Variants in KIAA1549L observed in about 807,000 individuals in gnomAD.
The protein encoded by KIAA1549L is KIAA1549 like.
Under a neutral mutation model 160.7 loss-of-function variants are expected in KIAA1549L, and 88 were observed. The ratio of observed to expected loss-of-function variants is 0.55; its 90% CI spans 0.46 to 0.65. KIAA1549L has a LOEUF of 0.65. Among genes scored for constraint, KIAA1549L ranks in the 30% least tolerant of loss-of-function variants. The probability of loss-of-function intolerance (pLI) is 0.00; values close to 1 mark genes in which losing one functional copy is unlikely to be tolerated. For missense variants in KIAA1549L, 2,258 were observed against 2,437.5 expected, an observed-to-expected ratio of 0.93 and a Z score of 1.55; for synonymous variants, 950 against 976.7, an observed-to-expected ratio of 0.97 and a Z score of 0.51.
At position 33,595,808 on chromosome 11, in the gene KIAA1549L, A is replaced by C. The variant is rs547568612; in HGVS notation, c.4752-3012A>C. ...GTTAGATGATCCAAGAAGTTTCTCA[A>C]GTGAAAACCAGGAGAAACCGGTGGT... is the stretch of plus-strand genomic sequence containing the variant. On this transcript the variant is annotated intron_variant, in intron 12 of 20. Coordinates refer to ENST00000658780, the MANE Select transcript of KIAA1549L (RefSeq NM_012194.3). Among the ~76,000 whole-genome samples the C allele has an allele frequency of 5.9e-5, 9 of 152,292 alleles. No individual in the cohort carries two copies. The East Asian group carries it at 1.2e-3, about 20-fold the overall frequency.
chr11:33,605,291 G>T (rs1179948882), intron 13 of KIAA1549L, among the ~76,000 whole-genome samples: 1 of 152,080 alleles, frequency 6.6e-6, no homozygotes, highest in Non-Finnish European at 1.5e-5. Context: ...GAATATCAGG[G>T]GGTGAGAATT....
intron 15 of KIAA1549L, among the ~76,000 whole-genome samples, chr11:33,614,431 C>A (rs957342295): frequency 6.7e-6 from 1 of 149,038 alleles, no homozygotes; most frequent in African/African-American, 2.5e-5. Context: ...TCAGGACAGC[C>A]CTTGTGCCCC....
At chr11:33,507,372 A>G (rs1853116731) in intron 1 of KIAA1549L, among the ~76,000 whole-genome samples, 1 of 152,230 alleles carries the variant, frequency 6.6e-6, no homozygotes, top group South Asian at 2.1e-4. Context: ...GTTTGATGCT[A>G]TATATTGAAA....
chr11:33,591,621 T>G (rs1850057520), intron 12 of KIAA1549L, among the ~76,000 whole-genome samples, 200 bp downstream of exon 12: 1 of 152,262 alleles, frequency 6.6e-6, no homozygotes. Context: ...TGTAAGGTTT[T>G]ATGTCTCTGA....
rs976603607 is a variant in KIAA1549L at position 33,671,251 on chromosome 11, C to A, written c.*3097C>A. The stretch of plus-strand genomic sequence containing the variant: ...AGACTGTGGGGGTGCATTCCTGTCT[C>A]AGCACCAAGGATCCCAACAGGCAGG... On this transcript the variant is annotated 3_prime_UTR_variant, in exon 21 of 21. Coordinates refer to ENST00000658780, the MANE Select transcript of KIAA1549L (RefSeq NM_012194.3). 7 of 152,194 alleles carry A rather than the reference C, an allele frequency of 4.6e-5. No individual in the cohort carries two copies. The highest frequency in any genetic ancestry group is 7.3e-5 in the Non-Finnish European group (5 of 68,036). The allele number at this position is 152,194 out of a possible 1,614,324, so 9.4% of individuals were successfully genotyped here.
intron 1 of KIAA1549L, among the ~76,000 whole-genome samples, chr11:33,386,511 T>C (rs188279271): frequency 4.1e-4 from 63 of 152,136 alleles, no homozygotes; most frequent in African/African-American, 1.4e-3. Flanking sequence ...TGAAACCCTG[T>C]CTCTACTAAA....
At chr11:33,423,105 GA>G (rs1851051948) in intron 1 of KIAA1549L, among the ~76,000 whole-genome samples, 1 of 152,164 alleles carries the variant, frequency 6.6e-6, no homozygotes, top group African/African-American at 2.4e-5. Flanking sequence ...GAGGACTTCA[GA>G]AATTTCATGG....
intron 1 of KIAA1549L, among the ~76,000 whole-genome samples, chr11:33,480,063 T>TGC (rs1310269794): frequency 6.6e-6 from 1 of 152,102 alleles, no homozygotes; most frequent in African/African-American, 2.4e-5. Context: ...TGTGTGTGTG[T>TGC]GCACGCGTGC....
rs191033487 is a variant in KIAA1549L, at chr11:33,638,727, G to A, written c.5410-6959G>A. On this transcript the variant is annotated intron_variant, in intron 16 of 20. Coordinates refer to ENST00000658780, the MANE Select transcript of KIAA1549L (RefSeq NM_012194.3). ...AAGAAATTGTAGTCAAATTTACAAAGTTTTTGCACTGTTGCCTCTCCCACT... is the reference window on the plus strand; with the variant it reads ...AAGAAATTGTAGTCAAATTTACAAAATTTTTGCACTGTTGCCTCTCCCACT... Among the ~76,000 whole-genome samples, 393 of 152,304 alleles carry A rather than the reference G, an allele frequency of 2.6e-3. 2 individuals are homozygous for A. Among genetic ancestry groups the A allele is most frequent in the Middle Eastern group, 0.014 (4 of 294 alleles).
intron 1 of KIAA1549L, among the ~76,000 whole-genome samples, chr11:33,477,192 A>C (rs1852304190): frequency 6.6e-6 from 1 of 152,114 alleles, no homozygotes; most frequent in African/African-American, 2.4e-5. Flanking sequence ...GCTTCTCCAG[A>C]GGAGTCTCCC....
At chr11:33,516,027 C>T (rs1279725943) in intron 1 of KIAA1549L, among the ~76,000 whole-genome samples, 3 of 152,176 alleles carry the variant, frequency 2.0e-5, no homozygotes, top group South Asian at 2.1e-4. Flanking sequence ...ACTACAGCAC[C>T]CAAGGCAGAC....
intron 13 of KIAA1549L, among the ~76,000 whole-genome samples, chr11:33,600,300 C>T (rs1009208133): frequency 1.3e-5 from 2 of 152,156 alleles, no homozygotes; most frequent in East Asian, 1.9e-4. Flanking sequence ...TCAGCTCTAT[C>T]GAGTGAGCAC....
chr11:33,419,378 C>G (rs1850951417), intron 1 of KIAA1549L, among the ~76,000 whole-genome samples: 1 of 152,216 alleles, frequency 6.6e-6, no homozygotes, highest in African/African-American at 2.4e-5. Flanking sequence ...TCTGCTTACA[C>G]TATGGATATG....
rs779349085 is a variant in KIAA1549L, at chr11:33,656,108, C to T, written c.5857C>T (p.Arg1953Ter). The T allele has an allele frequency of 5.0e-5, 81 of 1,609,410 alleles. 3 individuals are homozygous for T. Among genetic ancestry groups the T allele is most frequent in the East Asian group, 4.7e-4 (21 of 44,872 alleles). The change falls in exon 18 of 21, where the codon CGA becomes TGA. Residue 1953 changes from arginine to a stop codon, truncating the protein, a stop_gained and splice_region_variant. Coordinates refer to ENST00000658780, the MANE Select transcript of KIAA1549L (RefSeq NM_012194.3). LOFTEE classifies it high-confidence loss of function. Reference sequence around the variant, plus strand: ...TCCTGTGGCTGTCGCTTCTCTCAGGCGGTAACACGTTCCTTTCTTTGTTTT... The same window carrying T: ...TCCTGTGGCTGTCGCTTCTCTCAGGTGGTAACACGTTCCTTTCTTTGTTTT... ...TGPVAVASLR[R>*]STSDIGSKTR...
At position 33,601,761 on chromosome 11, in the gene KIAA1549L, C is replaced by T. The variant is rs78865518; in HGVS notation, c.4879+2814C>T. Among the ~76,000 whole-genome samples the T allele has an allele frequency of 8.2e-3, 1,250 of 152,298 alleles. 10 individuals carry two copies. The highest frequency in any genetic ancestry group is 0.028 in the African/African-American group (1,145 of 41,566). On this transcript the variant is annotated intron_variant, in intron 13 of 20. Coordinates refer to ENST00000658780, the MANE Select transcript of KIAA1549L (RefSeq NM_012194.3). ...GTTTGTTACATCTGTAGCTTCCAAT[C>T]TTTTTCTTTTATGTAAAAAAGAACT...
chr11:33,388,646 A>G (rs1286767182), intron 1 of KIAA1549L, among the ~76,000 whole-genome samples: 1 of 152,220 alleles, frequency 6.6e-6, no homozygotes, highest in Non-Finnish European at 1.5e-5. Context: ...TTCCATGCTA[A>G]CTAAATTGTG....
At chr11:33,497,590 C>CT (rs1852849703) in intron 1 of KIAA1549L, among the ~76,000 whole-genome samples, 2 of 152,090 alleles carry the variant, frequency 1.3e-5, no homozygotes, top group Non-Finnish European at 2.9e-5. Flanking sequence ...TTATTTGGTT[C>CT]TTTTTTAGTA....
chr11:33,413,056 G>A (rs1247065948), intron 1 of KIAA1549L, among the ~76,000 whole-genome samples: 18 of 152,096 alleles, frequency 1.2e-4, no homozygotes. Context: ...TCCAAAGCCA[G>A]GTCTGGGGAA....
chr11:33,557,213 T>C (rs985144339), intron 6 of KIAA1549L, among the ~76,000 whole-genome samples: 15 of 152,206 alleles, frequency 9.9e-5, no homozygotes, highest in Non-Finnish European at 1.9e-4. Flanking sequence ...GGCCTTGAAC[T>C]CCTGGGCTCA....
Sources: gnomAD v4.1 joint callset for allele counts (sites outside exome capture counted in the v4.1 genomes callset) on GRCh38, gnomAD v4.1.1 for gene constraint, MANE v1.5 for transcripts, NCBI Gene and HGNC (gene_info 2026-07-23, HGNC 2026-07-21) for gene names.